VANGL2: variants seen among roughly 807,000 people sequenced by gnomAD.
The protein encoded by VANGL2 is VANGL planar cell polarity protein 2, also known as vang-like protein 2.
A neutral mutation model predicts 50.2 loss-of-function variants in VANGL2; 14 were observed. That is an observed-to-expected ratio of 0.28 (90% CI 0.18 to 0.44). The LOEUF is 0.44. Ranked by LOEUF, VANGL2 falls within the 20% of genes least tolerant of loss-of-function variation. VANGL2 has a pLI of 1.00. For synonymous variants in VANGL2, 295 were observed against 297.2 expected (o/e 0.99, Z 0.08); for missense variants, 533 against 701.5 (o/e 0.76, Z 2.71).
In VANGL2 at chr1:160,419,289, A is replaced by C. The variant is rs1295277984; in HGVS notation, c.480A>C (p.Leu160=). The C allele has an allele frequency of 2.5e-6, 4 of 1,607,894 alleles. No individual in the cohort carries two copies. Among genetic ancestry groups the C allele is most frequent in the Middle Eastern group, 1.6e-4 (1 of 6,084 alleles). Residue 160 remains leucine (L), a synonymous_variant, in exon 4 of 8, where the codon CTA becomes CTC. Coordinates refer to ENST00000368061, the MANE Select transcript of VANGL2 (RefSeq NM_020335.3). The surrounding 1 kb of genome is among the most constrained non-coding windows in gnomAD (Gnocchi z 5.8). ...TCGCCTTCAAGCTGCTCATCCTGCT[A>C]CTGGGCAGCTGGGCTCTGTTCTTCC... ...ISVAFKLLIL[L]LGSWALFFRR...
Position 160,419,652 on chromosome 1 carries a change from T to C in VANGL2, c.800+43T>C, listed in dbSNP as rs768994041. 1.9e-6 allele frequency: 3 copies of C among 1,591,678 alleles called. No homozygotes were observed. In the African/African-American group the frequency reaches 4.0e-5, roughly 21 times the overall value. On this transcript the variant is annotated intron_variant, in intron 4 of 7. Transcript: ENST00000368061. The surrounding 1 kb of genome is among the most constrained non-coding windows in gnomAD (Gnocchi z 5.8). ...GAGAAGGGTTGGGAGGGAAAGGGCA[T>C]GGGAGGATGTGGAGTGACTGCTAGG...
intron 3 of VANGL2, among the ~76,000 whole-genome samples, chr1:160,418,113 A>T (rs1349857928): frequency 6.6e-6 from 1 of 151,664 alleles, no homozygotes; most frequent in Non-Finnish European, 1.5e-5. Flanking sequence ...TAGAGATGGG[A>T]TTTCTCCATG....
chr1:160,415,500 T>G (rs1651021916), intron 1 of VANGL2, 148 bp from the exon 2 acceptor site: 1 of 369,514 alleles, frequency 2.7e-6, no homozygotes, highest in Non-Finnish European at 5.2e-6. Flanking sequence ...CTGGGCCCAG[T>G]GGACAGCAGG....
At chr1:160,408,046 C>T (rs1006568428) in intron 1 of VANGL2, among the ~76,000 whole-genome samples, 10 of 152,054 alleles carry the variant, frequency 6.6e-5, no homozygotes, top group African/African-American at 1.5e-4. Flanking sequence ...CTCTTCAAGA[C>T]GGACTAGGAA....
intron 1 of VANGL2, among the ~76,000 whole-genome samples, chr1:160,401,457 G>T (rs1434833234): frequency 3.3e-5 from 5 of 152,042 alleles, no homozygotes; most frequent in Non-Finnish European, 7.4e-5. Context: ...ACAGGCGCTG[G>T]CATCCCTCTC....
rs2101938376 is a variant in VANGL2 at position 160,400,582 on chromosome 1, A to G, written c.-478A>G. Reference sequence around the variant, plus strand: ...CTCCCCCCTGCGCCGCCGGCTCCCGATCTGATTCCTGATCCTTGATTCCTT... The same window carrying G: ...CTCCCCCCTGCGCCGCCGGCTCCCGGTCTGATTCCTGATCCTTGATTCCTT... On this transcript the variant is annotated 5_prime_UTR_variant, in exon 1 of 8. Coordinates refer to ENST00000368061, the MANE Select transcript of VANGL2 (RefSeq NM_020335.3). 1 of 127,508 alleles carries G rather than the reference A, an allele frequency of 7.8e-6. No individual in the cohort carries two copies. The highest frequency in any genetic ancestry group is 2.7e-4 in the East Asian group (1 of 3,750). 7.9% of individuals were successfully genotyped at this position (127,508 alleles called of 1,614,324 possible). A position where few individuals can be genotyped will look rare whatever the true frequency, so the allele number is the denominator to read the frequency against.
intron 1 of VANGL2, among the ~76,000 whole-genome samples, chr1:160,411,067 C>T (rs1213288147): frequency 6.6e-6 from 1 of 151,824 alleles, no homozygotes; most frequent in Non-Finnish European, 1.5e-5. Flanking sequence ...TACTGAGACA[C>T]ATTCCATTAA....
Position 160,419,553 on chromosome 1 carries a change from C to G in VANGL2, c.744C>G (p.Leu248=). The change falls in exon 4 of 8, where the codon CTC becomes CTG. Residue 248 remains leucine (L), a synonymous_variant. Coordinates refer to ENST00000368061, the MANE Select transcript of VANGL2 (RefSeq NM_020335.3). The surrounding 1 kb of genome is among the most constrained non-coding windows in gnomAD (Gnocchi z 5.8). ...GCCAGCTCCAGCCTCAGTTCACGCT[C>G]AAGGTCGTGCGCTCCACCGACGGCG... ...ELRQLQPQFT[L]KVVRSTDGAS... is the part of the protein sequence containing the mutation. The G allele has an allele frequency of 1.2e-6, 2 of 1,600,578 alleles. No homozygotes were observed. Among genetic ancestry groups the G allele is most frequent in the South Asian group, 1.1e-5 (1 of 91,052 alleles).
chr1:160,418,806 G>C (rs1651151516), intron 3 of VANGL2, among the ~76,000 whole-genome samples, 196 bp from the exon 4 acceptor site: 1 of 152,220 alleles, frequency 6.6e-6, no homozygotes, highest in Non-Finnish European at 1.5e-5. Context: ...GCAGAGGCCA[G>C]ACTTTGACAC....
intron 1 of VANGL2, among the ~76,000 whole-genome samples, chr1:160,414,806 T>G (rs1650996545): frequency 7.7e-6 from 1 of 129,088 alleles, no homozygotes; most frequent in African/African-American, 3.0e-5. Flanking sequence ...TGGGGGCTCC[T>G]ATGAGGGGGT....
In VANGL2 at chr1:160,428,582, A is replaced by G. The variant is rs1263149802; in HGVS notation, c.*3204A>G. 6.6e-6 allele frequency: 1 copy of G among 152,526 alleles called. No homozygotes were observed. Among genetic ancestry groups the G allele is most frequent in the African/African-American group, 2.4e-5 (1 of 41,410 alleles). 9.4% of individuals were successfully genotyped at this position (152,526 alleles called of 1,614,324 possible). ...TCTACAGTTTGCAGTGGATCTAAACATTACGGCAATTTTAGGATTTTTTTC... is the reference window on the plus strand; with the variant it reads ...TCTACAGTTTGCAGTGGATCTAAACGTTACGGCAATTTTAGGATTTTTTTC... On this transcript the variant is annotated 3_prime_UTR_variant, in exon 8 of 8. Transcript: ENST00000368061.
rs201715169 is a variant in VANGL2, at chr1:160,421,037, C to T, written c.938-15C>T. The T allele has an allele frequency of 5.0e-5, 80 of 1,614,098 alleles. No individual in the cohort carries two copies. The African/African-American group carries it at 7.6e-4, about 15-fold the overall frequency. ...ACTCTGATGTGACCATCTCCTCTAT[C>T]CTGTTCCTGTGCAGAAAACAGCACC... On this transcript the variant is annotated splice_polypyrimidine_tract_variant and intron_variant, in intron 5 of 7. Transcript: ENST00000368061.
chr1:160,424,278 C>T lies in VANGL2; in HGVS notation c.1300C>T (p.Pro434Ser). ...ATTCTGCATCACGCATGACATGACG[C>T]CCAAGGTAGGCCTGCCCTGCTGCCA... ...LEFCITHDMT[P>S]KAFLERYLAA... The change falls in exon 7 of 8, where the codon CCC (proline) becomes TCC (serine). Residue 434 changes from proline to serine, a missense_variant. Pro to Ser is a moderately conservative substitution (Grantham distance 74). Transcript: ENST00000368061. 1 of 1,614,148 alleles carries T rather than the reference C, an allele frequency of 6.2e-7. No homozygotes were observed. The highest frequency in any genetic ancestry group is 8.5e-7 in the Non-Finnish European group (1 of 1,179,994).
intron 1 of VANGL2, among the ~76,000 whole-genome samples, chr1:160,411,521 G>C (rs1283919303): frequency 1.3e-5 from 2 of 151,898 alleles, no homozygotes; most frequent in African/African-American, 2.4e-5. Context: ...CTCCTCCCAG[G>C]CCCCCCAGCA....
chr1:160,421,484 G>C (rs186136077), intron 6 of VANGL2, among the ~76,000 whole-genome samples: 20 of 152,006 alleles, frequency 1.3e-4, no homozygotes, highest in Non-Finnish European at 2.2e-4. Context: ...TCTCTTTCAA[G>C]CTCATTATTA....
chr1:160,424,367 A>G (rs1651377029), intron 7 of VANGL2, 84 bp downstream of exon 7: 1 of 1,268,760 alleles, frequency 7.9e-7, no homozygotes, highest in Admixed American at 2.0e-5. Context: ...TTCTCTCACT[A>G]CTTTCCTCAC....
chr1:160,423,243 T>A (rs1651333117), intron 6 of VANGL2, among the ~76,000 whole-genome samples: 1 of 152,160 alleles, frequency 6.6e-6, no homozygotes, highest in Admixed American at 6.5e-5. Context: ...TTTTTTTTCC[T>A]GCTTCCTCCT....
In VANGL2 at chr1:160,416,105, C is replaced by G; in HGVS notation, c.115C>G (p.Arg39Gly). 2 of 1,614,170 alleles carry G rather than the reference C, an allele frequency of 1.2e-6. No individual in the cohort carries two copies. Among genetic ancestry groups the G allele is most frequent in the Non-Finnish European group, 1.7e-6 (2 of 1,180,030 alleles). Reference sequence around the variant, plus strand: ...CCGCTCTAAGAGTCGAGATGGGGGCCGAGGGGACAAGTCGGTGACAATCCA... The same window carrying G: ...CCGCTCTAAGAGTCGAGATGGGGGCGGAGGGGACAAGTCGGTGACAATCCA... Reference protein sequence around the residue: ...RHRSKSRDGGRGDKSVTIQAP... With the variant: ...RHRSKSRDGGGGDKSVTIQAP... The change falls in exon 3 of 8, where the codon CGA becomes GGA. Residue 39 changes from arginine to glycine, a missense_variant. By Grantham distance (125) the Arg-to-Gly change is moderately radical. Transcript: ENST00000368061.
At chr1:160,410,600 C>T (rs1304908404) in intron 1 of VANGL2, among the ~76,000 whole-genome samples, 3 of 152,034 alleles carry the variant, frequency 2.0e-5, no homozygotes, top group Non-Finnish European at 4.4e-5. Flanking sequence ...CCACTTGAGC[C>T]GCCTCCTTTG....
Sources: allele counts gnomAD v4.1 joint callset (sites outside exome capture counted in the v4.1 genomes callset), GRCh38; gene constraint gnomAD v4.1.1; non-coding constraint Gnocchi (gnomAD v3.1); transcripts MANE v1.5; gene names NCBI Gene and HGNC (gene_info 2026-07-23, HGNC 2026-07-21).